The following HDAC9 variants were observed in gnomAD, a reference collection of about 807,000 sequenced individuals.
HDAC9 encodes the protein MEF-2 interacting transcription repressor (MITR) protein.
Under a neutral mutation model 139.4 loss-of-function variants are expected in HDAC9, and 41 were observed. The ratio of observed to expected loss-of-function variants is 0.29; its 90% CI spans 0.23 to 0.38. HDAC9 has a LOEUF of 0.38. Ranked by LOEUF, HDAC9 falls within the 10% of genes least tolerant of loss-of-function variation. The pLI, the probability that HDAC9 is intolerant of heterozygous loss-of-function variation, is 1.00. For missense variants in HDAC9, 1,147 were observed against 1,297.0 expected, an observed-to-expected ratio of 0.88 and a Z score of 1.78; for synonymous variants, 517 against 476.2, an observed-to-expected ratio of 1.09 and a Z score of -1.12.
intron 1 of HDAC9, among the ~76,000 whole-genome samples, chr7:18,400,778 G>C (rs1787468205): frequency 6.6e-6 from 1 of 152,196 alleles, no homozygotes; most frequent in African/African-American, 2.4e-5. Flanking sequence ...CATGAATCCT[G>C]AGGCCCAGAA....
intron 2 of HDAC9, among the ~76,000 whole-genome samples, chr7:18,581,362 G>C (rs1264987486): frequency 6.6e-6 from 1 of 152,112 alleles, no homozygotes; most frequent in Non-Finnish European, 1.5e-5. Flanking sequence ...TCACAATTTA[G>C]TGATTAGTCT....
At chr7:18,112,410 CA>C (rs145803299) in intron 1 of HDAC9, among the ~76,000 whole-genome samples, 23,842 of 152,058 alleles carry the variant, frequency 0.16, 2,241 homozygotes, top group South Asian at 0.3. Context: ...GTGAATGGCA[CA>C]AAAAAATCGA....
Position 18,637,355 on chromosome 7 carries a change from G to T in HDAC9, c.912+2613G>T, listed in dbSNP as rs533473731. ...CAACCAGTAAGTATACATCAGTGAA[G>T]AAAGTAAATAAAAGATTTTGCTTAT... On this transcript the variant is annotated intron_variant, in intron 8 of 25. Coordinates refer to ENST00000686413, the MANE Select transcript of HDAC9 (RefSeq NM_178425.4). Among the ~76,000 whole-genome samples the T allele has an allele frequency of 3.0e-4, 46 of 152,104 alleles. 1 individual carries two copies. The highest frequency in any genetic ancestry group is 5.9e-4 in the Non-Finnish European group (40 of 67,952).
In HDAC9 at chr7:18,396,079, ATTCCC is replaced by A. The variant is rs775874685; in HGVS notation, c.-41-100135_-41-100131del. ...TCCTGCCAATGACTCTCAAAGTGTC[ATTCCC>A]TTCCCTTCCCTTCCCTTCCCTTCCC... On this transcript the variant is annotated intron_variant, in intron 1 of 3. Coordinates refer to the HDAC9 transcript ENST00000413509. 5.1e-3 allele frequency among the ~76,000 whole-genome samples: 235 copies of A among 46,504 alleles called. 4 individuals carry two copies. The highest frequency in any genetic ancestry group is 0.029 in the East Asian group (74 of 2,558). The allele number at this position is 46,504 out of a possible 152,430, so 30.5% of individuals were successfully genotyped here. A position where few individuals can be genotyped will look rare whatever the true frequency, so the allele number is the denominator to read the frequency against.
At chr7:18,975,040 C>A (rs1270449762) in intron 24 of HDAC9, among the ~76,000 whole-genome samples, 1 of 152,152 alleles carries the variant, frequency 6.6e-6, no homozygotes, top group East Asian at 1.9e-4. Flanking sequence ...TGGGGCTACT[C>A]ATCATTTCAC....
chr7:18,624,334 T>G (rs2128955649), intron 6 of HDAC9, among the ~76,000 whole-genome samples: 1 of 152,304 alleles, frequency 6.6e-6, no homozygotes, highest in South Asian at 2.1e-4. Flanking sequence ...TATTTTCTTT[T>G]AGGTGAGAAG....
intron 2 of HDAC9, among the ~76,000 whole-genome samples, chr7:18,190,523 A>T (rs1484490656): frequency 6.6e-6 from 1 of 152,230 alleles, no homozygotes; most frequent in African/African-American, 2.4e-5. Flanking sequence ...AATTGTAATT[A>T]TAAACTGGCT....
At chr7:18,462,251 C>T (rs867030545) in intron 1 of HDAC9, among the ~76,000 whole-genome samples, 31 of 152,192 alleles carry the variant, frequency 2.0e-4, no homozygotes, top group African/African-American at 7.0e-4. Flanking sequence ...TTGTTGCACA[C>T]AGCCTCTTAG....
At chr7:18,243,708 C>T (rs1317130475) in intron 2 of HDAC9, among the ~76,000 whole-genome samples, 2 of 152,186 alleles carry the variant, frequency 1.3e-5, no homozygotes, top group Non-Finnish European at 2.9e-5. Context: ...TTGAATGAAA[C>T]ATGGAGCTGT....
chr7:18,486,456 C>T (rs111862594), intron 1 of HDAC9, among the ~76,000 whole-genome samples: 1 of 152,062 alleles, frequency 6.6e-6, no homozygotes, highest in African/African-American at 2.4e-5. Flanking sequence ...AACTCGATGA[C>T]AATGTAAGGT....
At chr7:18,929,144 T>C (rs1002771086) in intron 22 of HDAC9, among the ~76,000 whole-genome samples, 3 of 152,236 alleles carry the variant, frequency 2.0e-5, no homozygotes, top group Admixed American at 6.5e-5. Context: ...TATATAAGGC[T>C]TAATCTTTGA....
chr7:18,692,020 G>A (rs1029662818), intron 12 of HDAC9, among the ~76,000 whole-genome samples: 2 of 152,040 alleles, frequency 1.3e-5, no homozygotes, highest in African/African-American at 4.8e-5. Flanking sequence ...CCTCATCAAT[G>A]AGATGGAGTT....
At chr7:18,459,522 A>G (rs1322412469) in intron 1 of HDAC9, among the ~76,000 whole-genome samples, 1 of 152,044 alleles carries the variant, frequency 6.6e-6, no homozygotes, top group African/African-American at 2.4e-5. Flanking sequence ...AGGTAATGTA[A>G]GCTTCCTTTG....
At chr7:18,251,002 C>G (rs1794883005) in intron 2 of HDAC9, among the ~76,000 whole-genome samples, 1 of 152,100 alleles carries the variant, frequency 6.6e-6, no homozygotes, top group Non-Finnish European at 1.5e-5. Flanking sequence ...AATCCCATTA[C>G]TGGATATATA....
chr7:18,767,150 C>A lies in HDAC9; in HGVS notation c.2209C>A (p.Leu737Ile). The A allele has an allele frequency of 6.4e-7, 1 of 1,573,714 alleles. No homozygotes were observed. Among genetic ancestry groups the A allele is most frequent in the Non-Finnish European group, 8.7e-7 (1 of 1,155,422 alleles). The change falls in exon 16 of 26, where the codon CTT (leucine) becomes ATT (isoleucine). Residue 737 changes from leucine to isoleucine, a missense_variant. Coordinates refer to ENST00000686413, the MANE Select transcript of HDAC9 (RefSeq NM_178425.4). ...TTTTTCCTCATTACCTTGTGGTGGACTTGGGGTAAGTACAAGTTGGTTTAC... is the reference window on the plus strand; with the variant it reads ...TTTTTCCTCATTACCTTGTGGTGGAATTGGGGTAAGTACAAGTTGGTTTAC... ...KFFSSLPCGG[L>I]GVDSDTIWNE... is the part of the protein sequence containing the mutation.
intron 1 of HDAC9, among the ~76,000 whole-genome samples, chr7:18,338,603 T>C (rs1008343140): frequency 6.6e-6 from 1 of 151,682 alleles, no homozygotes; most frequent in African/African-American, 2.4e-5. Flanking sequence ...CTTTTATTTA[T>C]TGATTTTCAG....
At chr7:18,914,437 T>G (rs1340681823) in intron 22 of HDAC9, among the ~76,000 whole-genome samples, 1 of 151,810 alleles carries the variant, frequency 6.6e-6, no homozygotes, top group South Asian at 2.1e-4. Context: ...TTCAACTCTA[T>G]CTGTACAATA....
chr7:18,284,117 A>G (rs1313999882), intron 2 of HDAC9, among the ~76,000 whole-genome samples: 2 of 152,070 alleles, frequency 1.3e-5, no homozygotes, highest in African/African-American at 2.4e-5. Context: ...AATTGTTCCC[A>G]TTGGCTTTTT....
At chr7:18,768,368 C>G (rs1251074164) in intron 16 of HDAC9, among the ~76,000 whole-genome samples, 1 of 152,152 alleles carries the variant, frequency 6.6e-6, no homozygotes, top group Non-Finnish European at 1.5e-5. Context: ...AGCTTCCCCC[C>G]ACTCCCTCTG....
Sources: gnomAD v4.1 joint callset for allele counts (sites outside exome capture counted in the v4.1 genomes callset) on GRCh38, gnomAD v4.1.1 for gene constraint, MANE v1.5 for transcripts, NCBI Gene and HGNC (gene_info 2026-07-23, HGNC 2026-07-21) for gene names.